The following HDAC4 variants were observed in gnomAD, a reference collection of about 807,000 sequenced individuals.
HDAC4 encodes the protein histone deacetylase A.
A neutral mutation model predicts 135.1 loss-of-function variants in HDAC4; 16 were observed. That is an observed-to-expected ratio of 0.12 (90% CI 0.08 to 0.18). The LOEUF (loss-of-function observed/expected upper bound fraction) is 0.18, where lower values mean the gene tolerates loss of function less well. Ranked by LOEUF, HDAC4 falls within the 10% of genes least tolerant of loss-of-function variation. The pLI, the probability that HDAC4 is intolerant of heterozygous loss-of-function variation, is 1.00. For missense variants in HDAC4, 1,143 were observed against 1,511.8 expected, an observed-to-expected ratio of 0.76 and a Z score of 4.05; for synonymous variants, 685 against 653.4, an observed-to-expected ratio of 1.05 and a Z score of -0.74.
At chr2:239,181,460 G>T (rs1309520980) in intron 4 of HDAC4, among the ~76,000 whole-genome samples, 1 of 152,262 alleles carries the variant, frequency 6.6e-6, no homozygotes. Context: ...AGGAGGGGCA[G>T]GGAGGGCCGT....
intron 2 of HDAC4, among the ~76,000 whole-genome samples, chr2:239,304,985 T>C (rs889000846): frequency 1.1e-4 from 16 of 152,176 alleles, no homozygotes; most frequent in African/African-American, 3.1e-4. Flanking sequence ...CCCACGTCAA[T>C]AGGACAGTCC....
At chr2:239,218,498 C>T (rs1475655075) in intron 3 of HDAC4, among the ~76,000 whole-genome samples, 10 of 150,864 alleles carry the variant, frequency 6.6e-5, no homozygotes, top group Admixed American at 2.6e-4. Flanking sequence ...AACATTAGAC[C>T]TAAAACCATA....
chr2:239,394,904 C>A (rs1179359957), intron 1 of HDAC4, among the ~76,000 whole-genome samples: 1 of 152,236 alleles, frequency 6.6e-6, no homozygotes, highest in East Asian at 1.9e-4. Context: ...TCCTACAGAG[C>A]CCCAGCTAGT....
chr2:239,374,387 T>G (rs1050496414), intron 1 of HDAC4, among the ~76,000 whole-genome samples: 13 of 8,814 alleles, frequency 1.5e-3, no homozygotes, highest in African/African-American at 9.0e-3. Context: ...AAAACAAGGC[T>G]TTTTTTTTTT....
In HDAC4 at chr2:239,139,930, G is replaced by T; in HGVS notation, c.866-134C>A. 1 of 662,730 alleles carries T rather than the reference G, an allele frequency of 1.5e-6. No individual in the cohort carries two copies. The highest frequency in any genetic ancestry group is 1.7e-5 in the South Asian group (1 of 57,680). 41.1% of individuals were successfully genotyped at this position (662,730 alleles called of 1,614,324 possible). ...CGACAGGCAGAAGTCCCAACAAAAA[G>T]AACATGGCCATGGTTTCAAAAAAGA... On this transcript the variant is annotated intron_variant, in intron 8 of 26. Coordinates refer to ENST00000543185, the MANE Select transcript of HDAC4 (RefSeq NM_001378414.1). This position sits in a 1 kb window ranked among gnomAD's most constrained non-coding sequence, Gnocchi z 5.3.
At chr2:239,372,141 G>A (rs888646512) in intron 1 of HDAC4, among the ~76,000 whole-genome samples, 5 of 152,170 alleles carry the variant, frequency 3.3e-5, no homozygotes, top group Admixed American at 1.3e-4. Context: ...CTCCCTGAGG[G>A]TCTCTGTCTC....
Position 239,400,541 on chromosome 2 carries a change from A to C in HDAC4, c.-220+437T>G, listed in dbSNP as rs1696905370. On this transcript the variant is annotated intron_variant, in intron 1 of 26. Transcript: ENST00000543185. The surrounding 1 kb of genome is among the most constrained non-coding windows in gnomAD (Gnocchi z 4.7). ...CCGGCGGGTCCCACGGCGCGCGGCCAGCGCTGGCCCCCGCCTCCCACGGCC... is the reference window on the plus strand; with the variant it reads ...CCGGCGGGTCCCACGGCGCGCGGCCCGCGCTGGCCCCCGCCTCCCACGGCC... 1 of 144,414 alleles carries C rather than the reference A, an allele frequency of 6.9e-6. No homozygotes were observed. Among genetic ancestry groups the C allele is most frequent in the African/African-American group, 2.5e-5 (1 of 40,136 alleles). The allele number at this position is 144,414 out of a possible 1,614,324, so 8.9% of individuals were successfully genotyped here. A position where few individuals can be genotyped will look rare whatever the true frequency, so the allele number is the denominator to read the frequency against.
chr2:239,300,187 A>C (rs2052168486), intron 2 of HDAC4, among the ~76,000 whole-genome samples: 1 of 152,150 alleles, frequency 6.6e-6, no homozygotes, highest in Non-Finnish European at 1.5e-5. Context: ...CTCCCATTCC[A>C]GTACAAGCAT....
intron 5 of HDAC4, among the ~76,000 whole-genome samples, chr2:239,165,460 T>C (rs1392461244): frequency 6.6e-6 from 1 of 152,076 alleles, no homozygotes; most frequent in Non-Finnish European, 1.5e-5. Flanking sequence ...CTTCCGGCGA[T>C]GTGCACAGTG....
At chr2:239,293,235 G>A (rs555154711) in intron 2 of HDAC4, among the ~76,000 whole-genome samples, 75 of 152,270 alleles carry the variant, frequency 4.9e-4, no homozygotes, top group African/African-American at 1.8e-3. Context: ...GTCTCTTCTC[G>A]ACAGATCCCA....
At chr2:239,080,333 A>G (rs913927274) in intron 22 of HDAC4, among the ~76,000 whole-genome samples, 1 of 152,258 alleles carries the variant, frequency 6.6e-6, no homozygotes, top group Non-Finnish European at 1.5e-5. Context: ...GTTTTCTAAC[A>G]GAGACACGGC....
intron 3 of HDAC4, among the ~76,000 whole-genome samples, chr2:239,193,483 A>G (rs1463661529): frequency 1.3e-5 from 2 of 152,338 alleles, no homozygotes; most frequent in Non-Finnish European, 2.9e-5. Context: ...GCCGAGGAGC[A>G]CAGGAGCTGA....
chr2:239,107,978 AC>A, intron 15 of HDAC4, 71 bp downstream of exon 15: 1 of 1,582,848 alleles, frequency 6.3e-7, no homozygotes, highest in Admixed American at 1.7e-5. Flanking sequence ...ACCCTGAATC[AC>A]GCGGGCCCAC....
chr2:239,080,524 C>A (rs1407432824), intron 22 of HDAC4, among the ~76,000 whole-genome samples: 3 of 152,182 alleles, frequency 2.0e-5, no homozygotes, highest in Non-Finnish European at 4.4e-5. Context: ...ACAGGAATGA[C>A]CCCAATCTGG....
At chr2:239,144,461 C>A in intron 8 of HDAC4, 122 bp downstream of exon 8, 1 of 1,308,172 alleles carries the variant, frequency 7.6e-7, no homozygotes, top group Non-Finnish European at 1.1e-6. Context: ...CAGGACCACA[C>A]TGGGGGTTGA....
At chr2:239,163,405 C>T (rs911067728) in intron 6 of HDAC4, among the ~76,000 whole-genome samples, 9 of 152,210 alleles carry the variant, frequency 5.9e-5, no homozygotes, top group Non-Finnish European at 1.3e-4. Flanking sequence ...GCAGGGGGGC[C>T]CACTCCCATG....
intron 1 of HDAC4, among the ~76,000 whole-genome samples, chr2:239,396,329 A>T (rs1388053174): frequency 2.0e-5 from 3 of 152,160 alleles, no homozygotes; most frequent in Non-Finnish European, 4.4e-5. Context: ...GCAAATGATA[A>T]TAAATAACAG....
chr2:239,112,562 G>T (rs1235990903), intron 13 of HDAC4, among the ~76,000 whole-genome samples: 1 of 152,138 alleles, frequency 6.6e-6, no homozygotes, highest in Admixed American at 6.5e-5. Flanking sequence ...GTGTGGGGGG[G>T]GCACTCAGCC....
intron 2 of HDAC4, among the ~76,000 whole-genome samples, chr2:239,239,220 G>A (rs553042594): frequency 1.9e-4 from 29 of 152,290 alleles, no homozygotes; most frequent in South Asian, 6.2e-4. Flanking sequence ...TCTAAAGATC[G>A]GCTATAAATC....
Sources: allele counts gnomAD v4.1 joint callset (sites outside exome capture counted in the v4.1 genomes callset), GRCh38; gene constraint gnomAD v4.1.1; non-coding constraint Gnocchi (gnomAD v3.1); transcripts MANE v1.5; gene names NCBI Gene and HGNC (gene_info 2026-07-23, HGNC 2026-07-21).